The following ALDH18A1 variants were observed in gnomAD, a reference collection of about 807,000 sequenced individuals.
ALDH18A1 encodes delta-1-pyrroline-5-carboxylate synthase.
ALDH18A1 carries 44 observed loss-of-function variants against 88.8 expected under a neutral mutation model. The observed-to-expected ratio is 0.50, with a 90% CI of 0.39 to 0.64. The LOEUF is 0.64. Ranked by LOEUF, ALDH18A1 falls within the 30% of genes least tolerant of loss-of-function variation. The pLI, the probability that ALDH18A1 is intolerant of heterozygous loss-of-function variation, is 0.00. For synonymous variants in ALDH18A1, 331 were observed against 372.1 expected, an observed-to-expected ratio of 0.89 and a Z score of 1.27; for missense variants, 782 against 1,009.5, an observed-to-expected ratio of 0.77 and a Z score of 3.05.
At chr10:95,620,648 T>A (rs1015446875) in intron 12 of ALDH18A1, among the ~76,000 whole-genome samples, 17 of 152,306 alleles carry the variant, frequency 1.1e-4, no homozygotes, top group African/African-American at 2.9e-4. Flanking sequence ...TGGATGAAGC[T>A]GCATGATTCT....
intron 2 of ALDH18A1, among the ~76,000 whole-genome samples, chr10:95,646,665 C>G (rs1051151784): frequency 3.9e-5 from 6 of 151,944 alleles, no homozygotes; most frequent in Non-Finnish European, 5.9e-5. Flanking sequence ...ACTGAGAAGG[C>G]CTTGATTAGT....
chr10:95,632,808 T>C lies in ALDH18A1; in HGVS notation c.808+151A>G. The C allele has an allele frequency of 1.8e-5, 13 of 709,698 alleles. No individual in the cohort carries two copies. The Middle Eastern group carries it at 1.1e-3, about 61-fold the overall frequency. The allele number at this position is 709,698 out of a possible 1,614,324, so 44.0% of individuals were successfully genotyped here. On this transcript the variant is annotated intron_variant, in intron 7 of 17. Transcript: ENST00000371224. ...TCTCTTAGACTCACCCACCCTGTTT[T>C]GAGTCATAAAAGCCCTTTGTCAGAA... is the stretch of plus-strand genomic sequence containing the variant.
At position 95,617,800 on chromosome 10, in the gene ALDH18A1, G is replaced by A. The variant is rs547497380; in HGVS notation, c.1468-1186C>T. 1.1e-4 allele frequency among the ~76,000 whole-genome samples: 17 copies of A among 152,312 alleles called. No homozygotes were observed. The South Asian group carries it at 3.1e-3, about 28-fold the overall frequency. ...GAGGTATCAGCTGGTATGGATGAGT[G>A]GTAGCAAAGAAATTTCACGGATACA... On this transcript the variant is annotated intron_variant, in intron 12 of 17. Coordinates refer to ENST00000371224, the MANE Select transcript of ALDH18A1 (RefSeq NM_002860.4).
At chr10:95,656,296 A>G (rs1191218235) in intron 1 of ALDH18A1, 1 of 152,418 alleles carries the variant, frequency 6.6e-6, no homozygotes, top group Non-Finnish European at 1.5e-5. Context: ...TACATGGTGT[A>G]CCCAGGGGAG....
chr10:95,642,069 C>T (rs945958), intron 3 of ALDH18A1, among the ~76,000 whole-genome samples: 2 of 151,996 alleles, frequency 1.3e-5, no homozygotes, highest in African/African-American at 4.8e-5. Context: ...ACCTCAGGAA[C>T]TTGTTTTTTA....
chr10:95,635,359 T>C lies in ALDH18A1; in HGVS notation c.559-1710A>G, dbSNP rs983615195. Among the ~76,000 whole-genome samples, 12 of 152,190 alleles carry C rather than the reference T, an allele frequency of 7.9e-5. No homozygotes were observed. In the South Asian group the frequency reaches 2.5e-3, roughly 32 times the overall value. ...AAAAATACCTGTCACCAAAATAGCT[T>C]CACAAACATGGCCTGGGGATCTCAG... is the stretch of plus-strand genomic sequence containing the variant. On this transcript the variant is annotated intron_variant, in intron 5 of 17. Transcript: ENST00000371224.
intron 7 of ALDH18A1, 157 bp from the exon 8 acceptor site, chr10:95,628,649 C>A (rs1426242412): frequency 7.4e-6 from 6 of 805,596 alleles, no homozygotes; most frequent in Non-Finnish European, 1.2e-5. Flanking sequence ...ACAAGGGATT[C>A]GACACTGACA....
At chr10:95,626,924 G>C in intron 9 of ALDH18A1, 148 bp from the exon 10 acceptor site, 1 of 804,230 alleles carries the variant, frequency 1.2e-6, no homozygotes. Flanking sequence ...TTTCACACAG[G>C]GGATCACCAT....
chr10:95,638,352 T>C lies in ALDH18A1; in HGVS notation c.304-916A>G, dbSNP rs547529050. On this transcript the variant is annotated intron_variant, in intron 3 of 17. Coordinates refer to ENST00000371224, the MANE Select transcript of ALDH18A1 (RefSeq NM_002860.4). ...TAAGACATTTTTAATGAGGAAATTC[T>C]GGTGTGTAGCCAAGTTTGACATCTA... Among the ~76,000 whole-genome samples, 11 of 152,328 alleles carry C rather than the reference T, an allele frequency of 7.2e-5. No individual in the cohort carries two copies. The East Asian group carries it at 2.1e-3, about 29-fold the overall frequency.
chr10:95,642,894 A>T, intron 3 of ALDH18A1, 98 bp downstream of exon 3: 2 of 1,264,268 alleles, frequency 1.6e-6, no homozygotes, highest in South Asian at 2.6e-5. Flanking sequence ...CTGAAATCAC[A>T]ATTATTTTTT....
rs1390507818 is a variant in ALDH18A1, at chr10:95,627,586, C to T, written c.934G>A (p.Val312Met). The T allele has an allele frequency of 1.2e-6, 2 of 1,614,048 alleles. No individual in the cohort carries two copies. Among genetic ancestry groups the T allele is most frequent in the Non-Finnish European group, 1.7e-6 (2 of 1,179,924 alleles). ...RVGMGGMEAK[V>M]KAALWALQGG... ...TGCAAAGCCCAGAGGGCTGCTTTCA[C>T]CTAATGAGACAGGTTAGATCCAGTA... The change falls in exon 9 of 18, where the codon GTG becomes ATG. Residue 312 changes from valine (V) to methionine (M), a missense_variant and splice_region_variant. By Grantham distance (21) the Val-to-Met change is conservative. Coordinates refer to ENST00000371224, the MANE Select transcript of ALDH18A1 (RefSeq NM_002860.4).
intron 6 of ALDH18A1, 137 bp downstream of exon 6, chr10:95,633,354 T>C: frequency 9.1e-7 from 1 of 1,104,502 alleles, no homozygotes; most frequent in Non-Finnish European, 1.3e-6. Context: ...GAAGAGCTTA[T>C]GCAGTCACTG....
intron 4 of ALDH18A1, 29 bp downstream of exon 4, chr10:95,637,258 A>T (rs183817956): frequency 6.2e-7 from 1 of 1,614,222 alleles, no homozygotes; most frequent in East Asian, 2.2e-5. Flanking sequence ...CTGAAGATCC[A>T]TTTCAATGTG....
chr10:95,606,927 G>A lies in ALDH18A1; in HGVS notation c.2223C>T (p.Ile741=), dbSNP rs374232219. 1.2e-6 allele frequency: 2 copies of A among 1,614,092 alleles called. No homozygotes were observed. The highest frequency in any genetic ancestry group is 1.7e-6 in the Non-Finnish European group (2 of 1,180,002). The change falls in exon 18 of 18, where the codon ATC becomes ATT. Residue 741 remains isoleucine (I), a synonymous_variant. Transcript: ENST00000371224. Reference sequence around the variant, plus strand: ...CCCGGGCGTGGATTCTCGATGTACTGATTCCCACTTCAGCTCCTGTGAAAA... The same window carrying A: ...CCCGGGCGTGGATTCTCGATGTACTAATTCCCACTTCAGCTCCTGTGAAAA... ...YRFGLGAEVG[I]STSRIHARGP... is the part of the protein sequence containing the mutation.
rs186126764 is a variant in ALDH18A1, at chr10:95,648,778, C to T, written c.88+4512G>A. The stretch of plus-strand genomic sequence containing the variant: ...ATCATCCCAGCAGAGGCCCCTTCAT[C>T]CCCAACAATCAGCCCTAAGTCAATC... On this transcript the variant is annotated intron_variant, in intron 2 of 17. Coordinates refer to ENST00000371224, the MANE Select transcript of ALDH18A1 (RefSeq NM_002860.4). Among the ~76,000 whole-genome samples, 7 of 152,282 alleles carry T rather than the reference C, an allele frequency of 4.6e-5. No homozygotes were observed. In the East Asian group the frequency reaches 1.3e-3, roughly 29 times the overall value.
chr10:95,614,366 C>T (rs1224244199), intron 13 of ALDH18A1, among the ~76,000 whole-genome samples: 3 of 152,344 alleles, frequency 2.0e-5, no homozygotes, highest in South Asian at 2.1e-4. Flanking sequence ...ACTATATACT[C>T]GGTGCTGTGC....
At chr10:95,613,313 T>TAATATTGGTAACCATAA (rs2097838738) in intron 15 of ALDH18A1, among the ~76,000 whole-genome samples, 1 of 152,234 alleles carries the variant, frequency 6.6e-6, no homozygotes, top group Non-Finnish European at 1.5e-5. Context: ...TTAAGTACAC[T>TAATATTGGTAACCATAA]AATATTGGTA....
Position 95,628,447 on chromosome 10 carries a change from T to G in ALDH18A1, c.854A>C (p.Asp285Ala). The G allele has an allele frequency of 6.2e-7, 1 of 1,614,004 alleles. No individual in the cohort carries two copies. The highest frequency in any genetic ancestry group is 8.5e-7 in the Non-Finnish European group (1 of 1,179,976). ...CTGCTGATCTCCGGGATAAAATATA[T>G]CAATAAGCTTTGCATCATCTGAACC... ...PPGSDDAKLIDIFYPGDQQSV... is the reference protein window; with the variant it reads ...PPGSDDAKLIAIFYPGDQQSV... Residue 285 changes from aspartate (D) to alanine (A), a missense_variant, in exon 8 of 18, where the codon GAT becomes GCT. Coordinates refer to ENST00000371224, the MANE Select transcript of ALDH18A1 (RefSeq NM_002860.4).
At chr10:95,643,956 C>T (rs1479510380) in intron 2 of ALDH18A1, among the ~76,000 whole-genome samples, 3 of 152,174 alleles carry the variant, frequency 2.0e-5, no homozygotes, top group Non-Finnish European at 4.4e-5. Context: ...CCAGCCTGGA[C>T]AACATGGTGA....
Sources: gnomAD v4.1 joint callset for allele counts (sites outside exome capture counted in the v4.1 genomes callset) on GRCh38, gnomAD v4.1.1 for gene constraint, MANE v1.5 for transcripts, NCBI Gene and HGNC (gene_info 2026-07-23, HGNC 2026-07-21) for gene names.